The following TMEM161B variants were observed in gnomAD, a reference collection of about 807,000 sequenced individuals.
TMEM161B encodes the protein transmembrane protein 161B.
Under a neutral mutation model 61.8 loss-of-function variants are expected in TMEM161B, and 34 were observed. The observed-to-expected ratio is 0.55, with a 90% confidence interval of 0.42 to 0.73. The LOEUF is 0.73. TMEM161B is among the 30% of genes least tolerant of loss of function. The probability of loss-of-function intolerance (pLI) is 0.00; values close to 1 mark genes in which losing one functional copy is unlikely to be tolerated. For missense variants in TMEM161B, 456 were observed against 558.5 expected (o/e 0.82, Z 1.85); for synonymous variants, 167 against 192.8 (o/e 0.87, Z 1.11).
rs996891680 is a variant in TMEM161B, at chr5:88,232,812, G to A, written c.108-4284C>T. Among the ~76,000 whole-genome samples the A allele has an allele frequency of 4.6e-5, 7 of 152,184 alleles. No homozygotes were observed. In the South Asian group the frequency reaches 1.4e-3, roughly 31 times the overall value. ...GATGGTCTCCACCTCCTGACCTCAT[G>A]ATCTGCCCGCCTTGGCTTCCCAAAG... is the stretch of plus-strand genomic sequence containing the variant. On this transcript the variant is annotated intron_variant, in intron 2 of 11. Coordinates refer to ENST00000296595, the MANE Select transcript of TMEM161B (RefSeq NM_153354.5).
At chr5:88,241,617 G>A (rs1054293308) in intron 1 of TMEM161B, among the ~76,000 whole-genome samples, 7 of 151,762 alleles carry the variant, frequency 4.6e-5, no homozygotes, top group Admixed American at 6.6e-5. Context: ...TGTGATGGCA[G>A]AACTGGCCTG....
At chr5:88,217,721 T>A (rs1443894859) in intron 5 of TMEM161B, among the ~76,000 whole-genome samples, 1 of 152,158 alleles carries the variant, frequency 6.6e-6, no homozygotes, top group East Asian at 1.9e-4. Context: ...AGATAATCTC[T>A]GGCCTACCCA....
At chr5:88,235,242 T>G (rs1243755294) in intron 2 of TMEM161B, among the ~76,000 whole-genome samples, 2 of 152,188 alleles carry the variant, frequency 1.3e-5, no homozygotes, top group African/African-American at 4.8e-5. Context: ...GAAATAAAAC[T>G]TTTAGAAATT....
chr5:88,210,534 A>AT (rs1165179899), intron 5 of TMEM161B, among the ~76,000 whole-genome samples: 3 of 152,112 alleles, frequency 2.0e-5, no homozygotes, highest in Admixed American at 6.5e-5. Context: ...GAAGACTAAG[A>AT]TTTTTGCCTC....
At chr5:88,244,406 C>T (rs536218511) in intron 1 of TMEM161B, among the ~76,000 whole-genome samples, 146 of 151,818 alleles carry the variant, frequency 9.6e-4, no homozygotes, top group Middle Eastern at 3.4e-3. Context: ...TTCCCCATTG[C>T]TTGTTTTTGT....
chr5:88,200,203 G>T (rs1004986155), intron 9 of TMEM161B: 4 of 151,956 alleles, frequency 2.6e-5, no homozygotes, highest in Admixed American at 2.6e-4. Flanking sequence ...TGGGACAAAG[G>T]CTTTACTATA....
intron 1 of TMEM161B, among the ~76,000 whole-genome samples, chr5:88,261,679 AAAAC>A (rs1440306467): frequency 1.7e-4 from 25 of 151,284 alleles, no homozygotes; most frequent in Admixed American, 4.6e-4. Flanking sequence ...AGAAAAAAAA[AAAAC>A]AAACAAATTT....
At chr5:88,226,860 T>G (rs1750137214) in intron 3 of TMEM161B, among the ~76,000 whole-genome samples, 1 of 152,144 alleles carries the variant, frequency 6.6e-6, no homozygotes, top group South Asian at 2.1e-4. Context: ...CTCGCACCTG[T>G]AATTCCAACA....
intron 6 of TMEM161B, 109 bp downstream of exon 6, chr5:88,206,918 CTT>C (rs1745612206): frequency 1.1e-6 from 1 of 932,396 alleles, no homozygotes; most frequent in Non-Finnish European, 1.6e-6. Flanking sequence ...AGAGTATACA[CTT>C]TAAATTTAAT....
Position 88,221,531 on chromosome 5 carries a change from C to T in TMEM161B, c.290-812G>A, listed in dbSNP as rs1040450763. On this transcript the variant is annotated intron_variant, in intron 4 of 11. Transcript: ENST00000296595. ...ATAAAATAATAAACTAAATATACCT[C>T]TTATACCCTATTTTGTTCTGCAAAA... is the stretch of plus-strand genomic sequence containing the variant. 3.9e-5 allele frequency: 14 copies of T among 354,542 alleles called. No individual in the cohort carries two copies. In the Admixed American group the frequency reaches 5.1e-4, roughly 13 times the overall value. 22.0% of individuals were successfully genotyped at this position (354,542 alleles called of 1,614,324 possible).
chr5:88,212,323 A>G (rs1441815204), intron 5 of TMEM161B, among the ~76,000 whole-genome samples: 1 of 152,232 alleles, frequency 6.6e-6, no homozygotes, highest in Non-Finnish European at 1.5e-5. Flanking sequence ...ACATTTTGAC[A>G]AATCAAGAAA....
intron 1 of TMEM161B, among the ~76,000 whole-genome samples, chr5:88,246,551 T>C (rs564847631): frequency 6.6e-6 from 1 of 152,054 alleles, no homozygotes; most frequent in South Asian, 2.1e-4. Flanking sequence ...TGCCAGGGAT[T>C]AATGTATTAA....
intron 1 of TMEM161B, among the ~76,000 whole-genome samples, chr5:88,255,408 T>C (rs772381237): frequency 9.9e-5 from 15 of 152,130 alleles, no homozygotes; most frequent in Non-Finnish European, 1.8e-4. Context: ...TGGGGGCCTA[T>C]ACTAAATATG....
chr5:88,256,772 A>T (rs1755040102), intron 1 of TMEM161B, among the ~76,000 whole-genome samples: 1 of 152,248 alleles, frequency 6.6e-6, no homozygotes, highest in South Asian at 2.1e-4. Flanking sequence ...TTGATAAAAT[A>T]AATGGATAAA....
In TMEM161B at chr5:88,227,095, G is replaced by A. The variant is rs1360783318; in HGVS notation, c.192-1229C>T. On this transcript the variant is annotated intron_variant, in intron 3 of 11. Transcript: ENST00000296595. ...TCTCAGCTACTCGTGAGGCTGAGGT[G>A]GGAAGATCATTTGAGCCTAAGGAGG... Among the ~76,000 whole-genome samples the A allele has an allele frequency of 4.6e-5, 7 of 152,228 alleles. No homozygotes were observed. In the East Asian group the frequency reaches 1.4e-3, roughly 29 times the overall value.
intron 1 of TMEM161B, among the ~76,000 whole-genome samples, chr5:88,253,230 G>A (rs767008707): frequency 1.3e-5 from 2 of 152,094 alleles, no homozygotes; most frequent in Non-Finnish European, 2.9e-5. Context: ...ATGGGTCCTG[G>A]AGGGAATACT....
chr5:88,203,949 G>GA (rs1234070347), intron 8 of TMEM161B, among the ~76,000 whole-genome samples: 1 of 151,062 alleles, frequency 6.6e-6, no homozygotes, highest in African/African-American at 2.4e-5. Flanking sequence ...TCTTATTTTA[G>GA]AAAAAACGCA....
chr5:88,259,422 G>C (rs1755410684), intron 1 of TMEM161B: 1 of 152,138 alleles, frequency 6.6e-6, no homozygotes, highest in African/African-American at 2.4e-5. Flanking sequence ...GAGTCCTCAG[G>C]AAAAGAACTG....
At chr5:88,255,201 G>A (rs1754811091) in intron 1 of TMEM161B, among the ~76,000 whole-genome samples, 1 of 152,186 alleles carries the variant, frequency 6.6e-6, no homozygotes, top group African/African-American at 2.4e-5. Context: ...TGGTAGGTCT[G>A]AGGACTGTCT....
Sources: gnomAD v4.1 joint callset for allele counts (sites outside exome capture counted in the v4.1 genomes callset) on GRCh38, gnomAD v4.1.1 for gene constraint, MANE v1.5 for transcripts, NCBI Gene and HGNC (gene_info 2026-07-23, HGNC 2026-07-21) for gene names.